The following TRAPPC9 variants were observed in gnomAD, a reference collection of about 807,000 sequenced individuals.
TRAPPC9 encodes IKK2 binding protein.
A neutral mutation model predicts 124.0 loss-of-function variants in TRAPPC9; 83 were observed. The observed-to-expected ratio is 0.67, with a 90% confidence interval of 0.56 to 0.80. TRAPPC9 has a LOEUF of 0.80. Among genes scored for constraint, TRAPPC9 ranks in the 30% least tolerant of loss-of-function variants. The pLI is 0.00. For synonymous variants in TRAPPC9, 638 were observed against 617.5 expected (o/e 1.03, Z -0.49); for missense variants, 1,302 against 1,508.3 (o/e 0.86, Z 2.27).
intron 21 of TRAPPC9, among the ~76,000 whole-genome samples, chr8:139,856,371 C>A (rs575873980): frequency 6.6e-6 from 1 of 152,268 alleles, no homozygotes; most frequent in East Asian, 1.9e-4. Flanking sequence ...CATCTCTGCT[C>A]CCCAGAAAGC....
chr8:140,116,212 A>T (rs951645398), intron 17 of TRAPPC9, among the ~76,000 whole-genome samples: 1 of 152,222 alleles, frequency 6.6e-6, no homozygotes, highest in African/African-American at 2.4e-5. Context: ...AGGAATAACG[A>T]AAAGGTTTAA....
intron 17 of TRAPPC9, among the ~76,000 whole-genome samples, chr8:140,068,433 C>T (rs1037193373): frequency 5.3e-5 from 8 of 152,140 alleles, no homozygotes; most frequent in African/African-American, 1.9e-4. Context: ...AGGGCAAAGA[C>T]GCTTGGGCAG....
At chr8:140,188,889 T>A (rs1239972803) in intron 17 of TRAPPC9, among the ~76,000 whole-genome samples, 3 of 152,202 alleles carry the variant, frequency 2.0e-5, no homozygotes, top group Non-Finnish European at 2.9e-5. Context: ...TTGACTTCGT[T>A]AGTAGCACAC....
At chr8:139,850,819 T>A (rs1326694591) in intron 21 of TRAPPC9, among the ~76,000 whole-genome samples, 4 of 152,176 alleles carry the variant, frequency 2.6e-5, no homozygotes. Context: ...TATCAACTCA[T>A]CTTCCCATAT....
At chr8:140,201,863 T>C (rs1198957162) in intron 17 of TRAPPC9, among the ~76,000 whole-genome samples, 1 of 152,160 alleles carries the variant, frequency 6.6e-6, no homozygotes, top group Non-Finnish European at 1.5e-5. Context: ...ACAGCAGCAG[T>C]GCCGTGTCAG....
chr8:140,056,559 G>A (rs2132114865), intron 17 of TRAPPC9, among the ~76,000 whole-genome samples: 1 of 151,892 alleles, frequency 6.6e-6, no homozygotes, highest in Admixed American at 6.6e-5. Flanking sequence ...ATACACAATG[G>A]GGGACAGATA....
Position 140,179,993 on chromosome 8 carries a change from A to ATTTTTTTTTTTTTTT in TRAPPC9, c.2556+41451_2556+41465dup, listed in dbSNP as rs71520259. Among the ~76,000 whole-genome samples the ATTTTTTTTTTTTTTT allele has an allele frequency of 5.2e-4, 47 of 90,032 alleles. 1 individual carries two copies. The highest frequency in any genetic ancestry group is 1.4e-3 in the East Asian group (3 of 2,078). 59.1% of individuals were successfully genotyped at this position (90,032 alleles called of 152,430 possible). A position where few individuals can be genotyped will look rare whatever the true frequency, so the allele number is the denominator to read the frequency against. ...ATAAACAATTTATAGTTATATCTTG[A>ATTTTTTTTTTTTTTT]TTTTTTTTTTTTTTTTTTTTTGGCC... On this transcript the variant is annotated intron_variant, in intron 17 of 22. Coordinates refer to ENST00000438773, the MANE Select transcript of TRAPPC9 (RefSeq NM_001160372.4).
intron 20 of TRAPPC9, among the ~76,000 whole-genome samples, chr8:139,908,113 G>T (rs1377842133): frequency 3.9e-5 from 6 of 152,182 alleles, no homozygotes; most frequent in Non-Finnish European, 8.8e-5. Flanking sequence ...GGCCCTGGGA[G>T]GGGAGGGGAG....
intron 4 of TRAPPC9, among the ~76,000 whole-genome samples, chr8:140,430,007 C>A (rs1015940602): frequency 6.6e-6 from 1 of 151,206 alleles, no homozygotes; most frequent in African/African-American, 2.4e-5. Flanking sequence ...ATTAGCTGGG[C>A]GAGGTGGCAG....
At position 140,155,775 on chromosome 8, in the gene TRAPPC9, T is replaced by C. The variant is rs1250786002; in HGVS notation, c.2556+65684A>G. On this transcript the variant is annotated intron_variant, in intron 17 of 22. Transcript: ENST00000438773. ...TGTATAATTTGATTTTTGCAACAGT[T>C]GCCAAATGGATTGGCAATGCCTCAT... is the stretch of plus-strand genomic sequence containing the variant. Among the ~76,000 whole-genome samples the C allele has an allele frequency of 1.1e-4, 16 of 152,212 alleles. 1 individual carries two copies. The highest frequency in any genetic ancestry group is 1.0e-3 in the Admixed American group (16 of 15,286).
intron 21 of TRAPPC9, among the ~76,000 whole-genome samples, chr8:139,809,905 G>A (rs573288504): frequency 5.3e-5 from 8 of 152,158 alleles, no homozygotes; most frequent in South Asian, 2.1e-4. Flanking sequence ...CCTTCCTCCC[G>A]CCACCCCAGA....
At chr8:140,024,630 C>A (rs983694960) in intron 17 of TRAPPC9, among the ~76,000 whole-genome samples, 3 of 152,040 alleles carry the variant, frequency 2.0e-5, no homozygotes, top group Non-Finnish European at 4.4e-5. Flanking sequence ...CTCCTGACCT[C>A]GGGTGATCCA....
Position 140,252,622 on chromosome 8 carries a change from C to T in TRAPPC9, c.2431+155G>A. The T allele has an allele frequency of 2.6e-6, 2 of 764,914 alleles. No individual in the cohort carries two copies. The highest frequency in any genetic ancestry group is 4.4e-6 in the Non-Finnish European group (2 of 450,688). 47.4% of individuals were successfully genotyped at this position (764,914 alleles called of 1,614,324 possible). On this transcript the variant is annotated intron_variant, in intron 16 of 22. Coordinates refer to ENST00000438773, the MANE Select transcript of TRAPPC9 (RefSeq NM_001160372.4). The surrounding 1 kb of genome is among the most constrained non-coding windows in gnomAD (Gnocchi z 4.2). Reference sequence around the variant, plus strand: ...ACTTTCAGACACATACAGTAACACACTCTGTTAACAAAGTGCCCAGGAGAT... The same window carrying T: ...ACTTTCAGACACATACAGTAACACATTCTGTTAACAAAGTGCCCAGGAGAT...
intron 17 of TRAPPC9, among the ~76,000 whole-genome samples, chr8:140,172,920 T>C (rs1332661492): frequency 6.6e-6 from 1 of 152,156 alleles, no homozygotes; most frequent in Non-Finnish European, 1.5e-5. Context: ...CTACACTTGT[T>C]GGCTGTCCAG....
chr8:140,394,670 C>CA (rs1350754036), intron 7 of TRAPPC9, among the ~76,000 whole-genome samples: 3 of 136,734 alleles, frequency 2.2e-5, no homozygotes, highest in African/African-American at 4.9e-5. Context: ...CCTCAGCCTG[C>CA]GTTGGGGCCT....
At chr8:140,379,763 A>T (rs1380350448) in intron 7 of TRAPPC9, among the ~76,000 whole-genome samples, 3 of 152,116 alleles carry the variant, frequency 2.0e-5, no homozygotes, top group Admixed American at 1.3e-4. Flanking sequence ...GCTTAATAAA[A>T]CCCCTATCCT....
intron 4 of TRAPPC9, among the ~76,000 whole-genome samples, chr8:140,433,482 C>T (rs778057335): frequency 2.0e-5 from 3 of 151,836 alleles, no homozygotes; most frequent in African/African-American, 4.8e-5. Context: ...CCCAGCTACT[C>T]GGGAGGCTGA....
chr8:140,363,092 G>C (rs2068004926), intron 8 of TRAPPC9, among the ~76,000 whole-genome samples: 1 of 152,136 alleles, frequency 6.6e-6, no homozygotes, highest in African/African-American at 2.4e-5. Context: ...GGTTTATTTT[G>C]TATATGAACT....
chr8:139,832,075 C>T (rs1410325601), intron 21 of TRAPPC9, among the ~76,000 whole-genome samples: 1 of 152,326 alleles, frequency 6.6e-6, no homozygotes, highest in East Asian at 1.9e-4. Flanking sequence ...TCACAGGCGT[C>T]CCCTGCCAGT....
Sources: allele counts gnomAD v4.1 joint callset (sites outside exome capture counted in the v4.1 genomes callset), GRCh38; gene constraint gnomAD v4.1.1; non-coding constraint Gnocchi (gnomAD v3.1); transcripts MANE v1.5; gene names NCBI Gene and HGNC (gene_info 2026-07-23, HGNC 2026-07-21).